TSHZ2: variants seen among roughly 807,000 people sequenced by gnomAD.
The protein encoded by TSHZ2 is teashirt homolog 2.
In TSHZ2, 21 loss-of-function variants were observed where a neutral mutation model predicts 74.4. That is an observed-to-expected ratio of 0.28 (90% CI 0.20 to 0.41). The LOEUF is 0.41. Ranked by LOEUF, TSHZ2 falls within the 10% of genes least tolerant of loss-of-function variation. The pLI, the probability that TSHZ2 is intolerant of heterozygous loss-of-function variation, is 1.00. For missense variants in TSHZ2, 1,244 were observed against 1,293.5 expected (o/e 0.96, Z 0.59); for synonymous variants, 540 against 515.3 (o/e 1.05, Z -0.65).
intron 2 of TSHZ2, among the ~76,000 whole-genome samples, chr20:53,340,968 G>T (rs1422701897): frequency 6.6e-6 from 1 of 152,168 alleles, no homozygotes; most frequent in South Asian, 2.1e-4. Context: ...GCTTGTTGGT[G>T]GCTGTGCTTG....
intron 2 of TSHZ2, among the ~76,000 whole-genome samples, chr20:53,315,168 A>G (rs1978952021): frequency 6.6e-6 from 1 of 152,244 alleles, no homozygotes; most frequent in Admixed American, 6.5e-5. Flanking sequence ...TACACTCTTA[A>G]GACATCTTCA....
rs191700137 is a variant in TSHZ2, at chr20:53,491,126, A to G, written c.*3991A>G. On this transcript the variant is annotated 3_prime_UTR_variant, in exon 3 of 3. Transcript: ENST00000371497. ...TTATCCTCTCTTCTCTGCAACAAGG[A>G]TAGTAAGATGTAGATGAATGCAAAA... is the stretch of plus-strand genomic sequence containing the variant. 3 of 152,184 alleles carry G rather than the reference A, an allele frequency of 2.0e-5. No individual in the cohort carries two copies. Among genetic ancestry groups the G allele is most frequent in the African/African-American group, 7.2e-5 (3 of 41,546 alleles). The allele number at this position is 152,184 out of a possible 1,614,324, so 9.4% of individuals were successfully genotyped here.
intron 1 of TSHZ2, among the ~76,000 whole-genome samples, chr20:53,153,504 C>T (rs987326131): frequency 5.3e-5 from 8 of 152,146 alleles, no homozygotes; most frequent in African/African-American, 1.9e-4. Context: ...AAATTCCTTG[C>T]AGGGTTACCA....
chr20:53,304,947 T>G (rs1336775919), intron 2 of TSHZ2, among the ~76,000 whole-genome samples: 5 of 145,258 alleles, frequency 3.4e-5, no homozygotes, highest in Non-Finnish European at 7.5e-5. Context: ...ACTTTTTTTT[T>G]TTTTTTGAGA....
intron 1 of TSHZ2, among the ~76,000 whole-genome samples, chr20:53,002,719 G>A (rs1982484420): frequency 6.6e-6 from 1 of 152,152 alleles, no homozygotes; most frequent in African/African-American, 2.4e-5. Context: ...AGAATGTTTA[G>A]TATAAGGATG....
At chr20:53,484,254 G>A (rs1489118619) in intron 2 of TSHZ2, among the ~76,000 whole-genome samples, 1 of 152,156 alleles carries the variant, frequency 6.6e-6, no homozygotes, top group African/African-American at 2.4e-5. Context: ...GCATTCACCT[G>A]TAATCTAGGT....
At chr20:53,062,595 G>T (rs976985162) in intron 1 of TSHZ2, among the ~76,000 whole-genome samples, 3 of 152,156 alleles carry the variant, frequency 2.0e-5, no homozygotes, top group African/African-American at 7.2e-5. Context: ...AGCCTTCACA[G>T]AATTGAAGAG....
At chr20:52,974,986 T>G (rs1198981354) in intron 1 of TSHZ2, among the ~76,000 whole-genome samples, 1 of 152,230 alleles carries the variant, frequency 6.6e-6, no homozygotes, top group Non-Finnish European at 1.5e-5. Flanking sequence ...GTTACTTCTT[T>G]GGAAAACAAT....
At chr20:53,111,538 A>G (rs1436506920) in intron 1 of TSHZ2, among the ~76,000 whole-genome samples, 5 of 152,170 alleles carry the variant, frequency 3.3e-5, no homozygotes, top group Admixed American at 3.3e-4. Flanking sequence ...ATCTCCTCCC[A>G]GAATGGAAAA....
At chr20:53,045,838 CCAT>C (rs1984209421) in intron 1 of TSHZ2, among the ~76,000 whole-genome samples, 2 of 152,124 alleles carry the variant, frequency 1.3e-5, no homozygotes, top group Admixed American at 1.3e-4. Context: ...CACAACTGTT[CCAT>C]CATCGTCATC....
chr20:53,247,068 G>T (rs1197623554), intron 1 of TSHZ2, among the ~76,000 whole-genome samples: 6 of 152,176 alleles, frequency 3.9e-5, no homozygotes, highest in African/African-American at 1.4e-4. Flanking sequence ...GCCATCTCCA[G>T]CAGTGCTTTA....
intron 1 of TSHZ2, among the ~76,000 whole-genome samples, chr20:53,163,577 A>G (rs571588469): frequency 4.6e-5 from 7 of 151,920 alleles, no homozygotes; most frequent in Non-Finnish European, 1.0e-4. Flanking sequence ...AGCATTAGGT[A>G]TATCTCCCAA....
At chr20:53,006,082 A>T (rs1982633823) in intron 1 of TSHZ2, among the ~76,000 whole-genome samples, 1 of 152,186 alleles carries the variant, frequency 6.6e-6, no homozygotes, top group African/African-American at 2.4e-5. Flanking sequence ...TTGCCACTTC[A>T]TTCACTTACG....
chr20:53,195,743 T>A (rs1421009673), intron 1 of TSHZ2, among the ~76,000 whole-genome samples: 1 of 152,180 alleles, frequency 6.6e-6, no homozygotes, highest in Non-Finnish European at 1.5e-5. Context: ...TTTCAAACTT[T>A]AAATGACCCA....
chr20:53,006,234 C>T (rs974763825), intron 1 of TSHZ2, among the ~76,000 whole-genome samples: 1 of 152,066 alleles, frequency 6.6e-6, no homozygotes, highest in Non-Finnish European at 1.5e-5. Context: ...TGTTTGCATC[C>T]CTACTGAAAA....
intron 1 of TSHZ2, among the ~76,000 whole-genome samples, chr20:53,230,551 G>A (rs371376035): frequency 9.2e-5 from 14 of 152,250 alleles, no homozygotes; most frequent in African/African-American, 2.2e-4. Context: ...ACGGTGCCCC[G>A]TTTTCTGTAA....
At chr20:53,284,080 G>A (rs1991117019) in intron 2 of TSHZ2, among the ~76,000 whole-genome samples, 5 of 152,142 alleles carry the variant, frequency 3.3e-5, no homozygotes, top group East Asian at 1.9e-4. Context: ...GCCCGGCAGG[G>A]GCTTTCTTCC....
intron 1 of TSHZ2, among the ~76,000 whole-genome samples, chr20:53,102,194 C>T (rs1003973120): frequency 5.9e-5 from 9 of 151,848 alleles, no homozygotes; most frequent in African/African-American, 1.9e-4. Context: ...ATGTACGCAA[C>T]TTTAGCTCAA....
chr20:53,074,477 A>G lies in TSHZ2; in HGVS notation c.40+101144A>G, dbSNP rs1350070358. Among the ~76,000 whole-genome samples the G allele has an allele frequency of 6.6e-6, 1 of 152,186 alleles. No homozygotes were observed. The highest frequency in any genetic ancestry group is 1.5e-5 in the Non-Finnish European group (1 of 68,036). ...CAGTACGAAGTGTAGAAATCCAACA[A>G]ATGTGTAAAAGGTAAAGGCAAACCA... On this transcript the variant is annotated intron_variant, in intron 1 of 2. Transcript: ENST00000371497. This position sits in a 1 kb window ranked among gnomAD's most constrained non-coding sequence, Gnocchi z 5.9.
Sources: allele counts gnomAD v4.1 joint callset (sites outside exome capture counted in the v4.1 genomes callset), GRCh38; gene constraint gnomAD v4.1.1; non-coding constraint Gnocchi (gnomAD v3.1); transcripts MANE v1.5; gene names NCBI Gene and HGNC (gene_info 2026-07-23, HGNC 2026-07-21).